Variants in ZFP82 observed in about 807,000 individuals in gnomAD.
ZFP82 encodes zinc finger protein 82 homolog.
Under a neutral mutation model 54.0 loss-of-function variants are expected in ZFP82, and 30 were observed. The ratio of observed to expected loss-of-function variants is 0.56; its 90% confidence interval spans 0.42 to 0.75. The LOEUF (loss-of-function observed/expected upper bound fraction) is 0.75, where lower values mean the gene tolerates loss of function less well. Among genes scored for constraint, ZFP82 ranks in the 30% least tolerant of loss-of-function variants. The probability of loss-of-function intolerance (pLI) is 0.00; values close to 1 mark genes in which losing one functional copy is unlikely to be tolerated. For missense variants in ZFP82, 500 were observed against 636.8 expected, an observed-to-expected ratio of 0.79 and a Z score of 2.31; for synonymous variants, 194 against 209.5, an observed-to-expected ratio of 0.93 and a Z score of 0.64.
intron 3 of ZFP82, 144 bp from the exon 4 acceptor site, chr19:36,405,816 C>T (rs940163692): frequency 9.6e-6 from 5 of 521,290 alleles, no homozygotes; most frequent in Admixed American, 6.5e-5. Flanking sequence ...AAAACATTTA[C>T]GTTAAGGTTA....
At chr19:36,395,633 G>C (rs964897522) in intron 4 of ZFP82, 5 of 152,256 alleles carry the variant, frequency 3.3e-5, no homozygotes, top group Middle Eastern at 3.4e-3. Context: ...CAAGCTGAAT[G>C]AGTTGTGTAT....
intron 1 of ZFP82, among the ~76,000 whole-genome samples, chr19:36,418,119 TG>T: frequency 6.6e-6 from 1 of 152,020 alleles, no homozygotes; most frequent in African/African-American, 2.4e-5. Flanking sequence ...AGTTTCGCTT[TG>T]CTGCCCAGGC....
chr19:36,411,597 G>A (rs1382996465), intron 1 of ZFP82, among the ~76,000 whole-genome samples: 1 of 152,168 alleles, frequency 6.6e-6, no homozygotes, highest in Non-Finnish European at 1.5e-5. Flanking sequence ...GTAACAGTAT[G>A]TTGACCTTGT....
At chr19:36,387,527 C>T (rs1184513769), downstream of ZFP82, among the ~76,000 whole-genome samples, 1 of 152,156 alleles carries the variant, frequency 6.6e-6, no homozygotes, top group African/African-American at 2.4e-5. Context: ...CAAGAAGGTC[C>T]TTATCAGATG....
At chr19:36,394,212 A>C in intron 4 of ZFP82, 102 bp from the exon 5 acceptor site, 2 of 1,079,220 alleles carry the variant, frequency 1.9e-6, no homozygotes, top group Non-Finnish European at 2.7e-6. Context: ...TCCTTAACCA[A>C]AACTCTAAAA....
intron 1 of ZFP82, among the ~76,000 whole-genome samples, chr19:36,414,297 G>T (rs1045752835): frequency 6.6e-6 from 1 of 151,544 alleles, no homozygotes; most frequent in South Asian, 2.1e-4. Context: ...TGAGATTTTT[G>T]AGATTTTTCA....
downstream of ZFP82, among the ~76,000 whole-genome samples, chr19:36,387,763 C>G (rs565333949): frequency 2.6e-5 from 4 of 152,132 alleles, no homozygotes; most frequent in African/African-American, 9.6e-5. Context: ...TACAGGCATG[C>G]GCCACCATGC....
chr19:36,410,918 C>T (rs1600109725), intron 1 of ZFP82, among the ~76,000 whole-genome samples: 2 of 151,552 alleles, frequency 1.3e-5, no homozygotes, highest in South Asian at 2.1e-4. Flanking sequence ...TTGGGCTGGG[C>T]GAGATGGCTC....
At chr19:36,415,994 C>T (rs891819217) in intron 1 of ZFP82, among the ~76,000 whole-genome samples, 5 of 152,146 alleles carry the variant, frequency 3.3e-5, no homozygotes, top group African/African-American at 1.2e-4. Flanking sequence ...TTTTTTTCTC[C>T]ACTAAGAAAC....
At chr19:36,404,458 C>A (rs1234275103) in intron 4 of ZFP82, among the ~76,000 whole-genome samples, 1 of 152,246 alleles carries the variant, frequency 6.6e-6, no homozygotes, top group Admixed American at 6.5e-5. Context: ...CAGTCCACAG[C>A]TTCTTCTTGA....
At chr19:36,403,880 C>G (rs944303401) in intron 4 of ZFP82, among the ~76,000 whole-genome samples, 1 of 151,932 alleles carries the variant, frequency 6.6e-6, no homozygotes, top group African/African-American at 2.4e-5. Flanking sequence ...TACTATCAAG[C>G]ATATCATTTT....
chr19:36,396,491 G>A (rs1434746417), intron 4 of ZFP82, among the ~76,000 whole-genome samples: 1 of 151,872 alleles, frequency 6.6e-6, no homozygotes, highest in Non-Finnish European at 1.5e-5. Context: ...ACTAAAAATA[G>A]ACACACACAC....
intron 1 of ZFP82, among the ~76,000 whole-genome samples, chr19:36,411,136 GT>G (rs757732231): frequency 1.3e-5 from 2 of 151,728 alleles, no homozygotes; most frequent in Non-Finnish European, 2.9e-5. Context: ...GGAGGTTGCA[GT>G]GAGCCGAGAT....
Position 36,398,318 on chromosome 19 carries a change from C to T in ZFP82, c.230-4208G>A, listed in dbSNP as rs146120224. 3.1e-3 allele frequency among the ~76,000 whole-genome samples: 470 copies of T among 152,288 alleles called. 2 individuals are homozygous for T. Among genetic ancestry groups the T allele is most frequent in the African/African-American group, 0.011 (450 of 41,550 alleles). ...CTTTGGGAGGCCAAGGTAGGTGGAT[C>T]ACGAGGTCAGGAGTTCAAGACCTGC... On this transcript the variant is annotated intron_variant, in intron 4 of 4. Transcript: ENST00000392161.
At chr19:36,410,753 G>A (rs527511239) in intron 1 of ZFP82, among the ~76,000 whole-genome samples, 37 of 151,332 alleles carry the variant, frequency 2.4e-4, no homozygotes, top group Admixed American at 1.7e-3. Context: ...CGCCCGCCTC[G>A]GCATCCCAAA....
intron 1 of ZFP82, among the ~76,000 whole-genome samples, chr19:36,414,111 A>C (rs182969771): frequency 1.8e-4 from 27 of 152,054 alleles, no homozygotes; most frequent in African/African-American, 6.3e-4. Flanking sequence ...CATGTTAGCC[A>C]ACATAGTCTC....
Position 36,403,392 on chromosome 19 carries a change from G to A in ZFP82, c.229+2188C>T, listed in dbSNP as rs1180465406. 1.2e-3 allele frequency among the ~76,000 whole-genome samples: 184 copies of A among 148,866 alleles called. 3 individuals carry two copies. The highest frequency in any genetic ancestry group is 3.4e-3 in the Admixed American group (51 of 14,950). On this transcript the variant is annotated intron_variant, in intron 4 of 4. Transcript: ENST00000392161. ...TAATCCCAGCACCTTGGGATCCAGC[G>A]GGTGGATCACAAGGTCAGGAGTTCA...
intron 1 of ZFP82, among the ~76,000 whole-genome samples, chr19:36,416,973 T>TGACGTATAAGAATCGCTTGAACCACGGA (rs2032682083): frequency 7.0e-6 from 1 of 142,680 alleles, no homozygotes; most frequent in Non-Finnish European, 1.5e-5. Context: ...CTTGGGAGGC[T>TGACGTATAAGAATCGCTTGAACCACGGA]GAGGTATAAG....
chr19:36,409,937 T>C (rs2032549184), intron 1 of ZFP82, 70 bp from the exon 2 acceptor site: 4 of 774,044 alleles, frequency 5.2e-6, no homozygotes, highest in Non-Finnish European at 8.6e-6. Flanking sequence ...TGAGTTACTG[T>C]GACCTTTCCC....
Sources: gnomAD v4.1 joint callset for allele counts (sites outside exome capture counted in the v4.1 genomes callset) on GRCh38, gnomAD v4.1.1 for gene constraint, MANE v1.5 for transcripts, NCBI Gene and HGNC (gene_info 2026-07-23, HGNC 2026-07-21) for gene names.